The following OR6N1 variants were observed in gnomAD, a reference collection of about 807,000 sequenced individuals.
OR6N1 encodes olfactory receptor family 6 subfamily N member 1.
For missense variants in OR6N1, 394 were observed against 371.7 expected (o/e 1.06, Z -0.49); for synonymous variants, 170 against 150.7 (o/e 1.13, Z -0.94).
chr1:158,818,015 CTT>C, the OR6N1 span, among the ~76,000 whole-genome samples: 1 of 152,138 alleles, frequency 6.6e-6, no homozygotes, highest in Non-Finnish European at 1.5e-5. Flanking sequence ...GATGATGAAA[CTT>C]TAACATTTTC....
the OR6N1 span, among the ~76,000 whole-genome samples, chr1:158,805,816 T>TC: frequency 6.6e-6 from 1 of 152,192 alleles, no homozygotes; most frequent in Non-Finnish European, 1.5e-5. Flanking sequence ...GTTCATTCAT[T>TC]CATTTGTTCA....
chr1:158,770,756 G>C (rs931589354), intron 1 of OR6N1, among the ~76,000 whole-genome samples: 5 of 152,262 alleles, frequency 3.3e-5, no homozygotes, highest in East Asian at 3.9e-4. Context: ...ATTCAGCCCA[G>C]CAAAAACTCA....
the OR6N1 span, among the ~76,000 whole-genome samples, chr1:158,788,873 C>A: frequency 6.6e-6 from 1 of 152,006 alleles, no homozygotes; most frequent in Non-Finnish European, 1.5e-5. Flanking sequence ...TAACCTTTGA[C>A]TTGAGGTGGA....
the OR6N1 span, among the ~76,000 whole-genome samples, chr1:158,831,973 T>G: frequency 6.6e-6 from 1 of 152,164 alleles, no homozygotes; most frequent in Non-Finnish European, 1.5e-5. Context: ...TTATATGATT[T>G]TATCTCTATT....
chr1:158,781,809 T>C, the OR6N1 span, among the ~76,000 whole-genome samples: 1 of 152,230 alleles, frequency 6.6e-6, no homozygotes, highest in Non-Finnish European at 1.5e-5. Context: ...TAAAGACCTG[T>C]TTACCTGAGC....
At chr1:158,812,981 C>T in the OR6N1 span, among the ~76,000 whole-genome samples, 4 of 152,286 alleles carry the variant, frequency 2.6e-5, no homozygotes, top group East Asian at 5.8e-4. Flanking sequence ...CCAAGATAGG[C>T]ATTTATAAAA....
the OR6N1 span, among the ~76,000 whole-genome samples, chr1:158,821,293 A>G: frequency 6.6e-6 from 1 of 152,154 alleles, no homozygotes; most frequent in African/African-American, 2.4e-5. Flanking sequence ...GTTACAATCA[A>G]TGAACATGTG....
At chr1:158,775,810 A>G (rs1657577262), upstream of OR6N1, 1 of 152,224 alleles carries the variant, frequency 6.6e-6, no homozygotes, top group Admixed American at 6.5e-5. Context: ...GCAAAATAGA[A>G]TATTTAAAAT....
At chr1:158,826,003 T>G in the OR6N1 span, among the ~76,000 whole-genome samples, 2 of 152,150 alleles carry the variant, frequency 1.3e-5, no homozygotes, top group African/African-American at 4.8e-5. Context: ...AGGCCATTAT[T>G]CTAAGCAAAC....
At chr1:158,796,139 A>G in the OR6N1 span, 9 of 152,262 alleles carry the variant, frequency 5.9e-5, no homozygotes, top group African/African-American at 2.2e-4. Flanking sequence ...CATAAAACCC[A>G]TCATCTCCAG....
At chr1:158,792,482 A>G in the OR6N1 span, among the ~76,000 whole-genome samples, 1 of 152,110 alleles carries the variant, frequency 6.6e-6, no homozygotes, top group Non-Finnish European at 1.5e-5. Context: ...TTATTTTATA[A>G]GCCCTTTAGG....
chr1:158,771,511 A>G (rs531538956), intron 1 of OR6N1, among the ~76,000 whole-genome samples: 130 of 152,312 alleles, frequency 8.5e-4, no homozygotes, highest in African/African-American at 3.1e-3. Flanking sequence ...CACATATACA[A>G]ATTTACATTT....
the OR6N1 span, among the ~76,000 whole-genome samples, chr1:158,836,109 C>T: frequency 5.2e-4 from 79 of 151,332 alleles, no homozygotes; most frequent in African/African-American, 1.6e-3. Context: ...ATAAATTTAA[C>T]GTGCTATATA....
the OR6N1 span, among the ~76,000 whole-genome samples, chr1:158,804,497 T>A: frequency 3.2e-4 from 48 of 152,212 alleles, no homozygotes; most frequent in Non-Finnish European, 6.3e-4. Flanking sequence ...AGGTGAGATC[T>A]AAAATTATTT....
At chr1:158,830,822 G>T in the OR6N1 span, among the ~76,000 whole-genome samples, 2 of 152,182 alleles carry the variant, frequency 1.3e-5, no homozygotes, top group African/African-American at 4.8e-5. Context: ...TTTGAATAAG[G>T]ATTTACATAT....
At chr1:158,824,940 T>C in the OR6N1 span, among the ~76,000 whole-genome samples, 1 of 152,130 alleles carries the variant, frequency 6.6e-6, no homozygotes, top group Non-Finnish European at 1.5e-5. Flanking sequence ...CCAAAAGCAA[T>C]CTCAACAAAA....
At chr1:158,809,278 T>G in the OR6N1 span, 2 of 152,692 alleles carry the variant, frequency 1.3e-5, no homozygotes, top group African/African-American at 4.8e-5. Context: ...AGGGTCCCAG[T>G]GGTGGTGAAA....
the OR6N1 span, among the ~76,000 whole-genome samples, chr1:158,781,957 C>T: frequency 1.3e-5 from 2 of 152,220 alleles, no homozygotes; most frequent in South Asian, 2.1e-4. Flanking sequence ...AAGTGTCCAA[C>T]ATCACACAAG....
At chr1:158,784,855 C>G in the OR6N1 span, among the ~76,000 whole-genome samples, 1 of 152,086 alleles carries the variant, frequency 6.6e-6, no homozygotes, top group Non-Finnish European at 1.5e-5. Flanking sequence ...AATAAAACCA[C>G]CATATGATTC....
Sources: allele counts gnomAD v4.1 joint callset (sites outside exome capture counted in the v4.1 genomes callset), GRCh38; gene constraint gnomAD v4.1.1; transcripts MANE v1.5; gene names NCBI Gene and HGNC (gene_info 2026-07-23, HGNC 2026-07-21).